DHRS7B: variants seen among roughly 807,000 people sequenced by gnomAD.
DHRS7B encodes dehydrogenase/reductase 7B, also known as peroxisomal reductase activating PPAR-gamma.
DHRS7B carries 24 observed loss-of-function variants against 26.4 expected under a neutral mutation model. That is an observed-to-expected ratio of 0.91 (90% CI 0.66 to 1.28). The LOEUF is 1.28. Ranked by LOEUF, DHRS7B falls within the 50% of genes most tolerant of loss-of-function variation. The pLI is 0.00. For missense variants in DHRS7B, 368 were observed against 419.4 expected, an observed-to-expected ratio of 0.88 and a Z score of 1.07; for synonymous variants, 142 against 166.4, an observed-to-expected ratio of 0.85 and a Z score of 1.13.
chr17:21,143,242 T>C (rs1973566260), intron 1 of DHRS7B, among the ~76,000 whole-genome samples: 1 of 152,172 alleles, frequency 6.6e-6, no homozygotes, highest in Non-Finnish European at 1.5e-5. Context: ...TTTGTATTTT[T>C]AGTAGAGATG....
rs370778794 is a variant in DHRS7B, at chr17:21,127,124, CG to C, written c.20+135del. 220 of 929,954 alleles carry C rather than the reference CG, an allele frequency of 2.4e-4. 1 individual carries two copies. The African/African-American group carries it at 2.9e-3, about 12-fold the overall frequency. The allele number at this position is 929,954 out of a possible 1,614,324, so 57.6% of individuals were successfully genotyped here. A position where few individuals can be genotyped will look rare whatever the true frequency, so the allele number is the denominator to read the frequency against. ...AAGGCCGCGGGCCCTGGGCGGCTTC[CG>C]GATCCCCGCGACGCCGAACTCTGAA... On this transcript the variant is annotated intron_variant, in intron 1 of 6. Transcript: ENST00000395511.
At chr17:21,168,890 A>T in intron 1 of DHRS7B, 1 of 985,420 alleles carries the variant, frequency 1.0e-6, no homozygotes, top group Non-Finnish European at 1.2e-6. Flanking sequence ...AGTGTACAAG[A>T]CGGTGTGTAG....
At chr17:21,169,010 G>C in intron 1 of DHRS7B, 1 of 769,152 alleles carries the variant, frequency 1.3e-6, no homozygotes, top group Non-Finnish European at 1.6e-6. Context: ...GAGCCTTGCT[G>C]GGCTGGTTTA....
chr17:21,136,285 A>C (rs939520425), intron 1 of DHRS7B, among the ~76,000 whole-genome samples: 1 of 146,360 alleles, frequency 6.8e-6, no homozygotes, highest in Non-Finnish European at 1.5e-5. Context: ...CTGGGCAACA[A>C]GAGCAAAACT....
At chr17:21,138,095 T>C (rs375437866) in intron 1 of DHRS7B, among the ~76,000 whole-genome samples, 37,176 of 80,000 alleles carry the variant, frequency 0.46, 7,534 homozygotes, top group Non-Finnish European at 0.53. Flanking sequence ...TATATATATA[T>C]ATATATACAC....
chr17:21,132,791 GGCT>G (rs1459051947), intron 1 of DHRS7B, among the ~76,000 whole-genome samples: 4 of 152,152 alleles, frequency 2.6e-5, no homozygotes, highest in African/African-American at 9.7e-5. Flanking sequence ...GGCAGCTTTA[GGCT>G]AAACTTCTTA....
At chr17:21,184,995 A>G (rs1974600212) in intron 5 of DHRS7B, among the ~76,000 whole-genome samples, 1 of 152,190 alleles carries the variant, frequency 6.6e-6, no homozygotes, top group Non-Finnish European at 1.5e-5. Context: ...CATCCTTTCA[A>G]TACAGTAATC....
intron 6 of DHRS7B, among the ~76,000 whole-genome samples, chr17:21,190,372 A>G (rs1034256642): frequency 6.6e-6 from 1 of 152,138 alleles, no homozygotes; most frequent in African/African-American, 2.4e-5. Flanking sequence ...CCTGTTTCTC[A>G]TCCAATTAAT....
At chr17:21,138,214 T>C (rs866769434) in intron 1 of DHRS7B, among the ~76,000 whole-genome samples, 20 of 108,372 alleles carry the variant, frequency 1.8e-4, no homozygotes, top group African/African-American at 8.0e-4. Context: ...CCTCCTTCTT[T>C]TTTTTTTTTT....
chr17:21,150,126 A>AAAAC (rs1567619814), intron 1 of DHRS7B, among the ~76,000 whole-genome samples: 14 of 143,750 alleles, frequency 9.7e-5, no homozygotes, highest in African/African-American at 3.5e-4. Flanking sequence ...AAAAAAAAAA[A>AAAAC]AAAAAACTAA....
intron 1 of DHRS7B, among the ~76,000 whole-genome samples, chr17:21,143,533 A>G (rs906581407): frequency 1.3e-5 from 2 of 152,236 alleles, no homozygotes; most frequent in Non-Finnish European, 2.9e-5. Context: ...AACATTTTCA[A>G]AGGAATGAAG....
rs138235453 is a variant in DHRS7B, at chr17:21,172,029, C to T, written c.32C>T (p.Pro11Leu). Reference protein sequence around the residue: MVSPATRKSLPKVKAMDFITS... With the variant: MVSPATRKSLLKVKAMDFITS... ...TTTGGTTCTTCCAGGAAGAGTCTGC[C>T]GAAGGTGAAGGCCATGGACTTCATC... is the stretch of plus-strand genomic sequence containing the variant. The change falls in exon 2 of 7, where the codon CCG becomes CTG. Residue 11 changes from proline to leucine, a missense_variant. Pro to Leu is a moderately conservative substitution (Grantham distance 98). Coordinates refer to ENST00000395511, the MANE Select transcript of DHRS7B (RefSeq NM_015510.5). 53 of 1,614,014 alleles carry T rather than the reference C, an allele frequency of 3.3e-5. No individual in the cohort carries two copies. The Middle Eastern group carries it at 4.9e-4, about 15-fold the overall frequency.
At chr17:21,158,957 CAAA>C (rs201773440) in intron 1 of DHRS7B, among the ~76,000 whole-genome samples, 5 of 108,568 alleles carry the variant, frequency 4.6e-5, no homozygotes, top group Non-Finnish European at 1.0e-4. Flanking sequence ...TATCTGCATG[CAAA>C]AAAAAAAAAA....
chr17:21,133,595 G>A (rs773658303), intron 1 of DHRS7B, among the ~76,000 whole-genome samples: 13 of 152,234 alleles, frequency 8.5e-5, no homozygotes, highest in Non-Finnish European at 1.9e-4. Flanking sequence ...CAGCTAGAAG[G>A]AGCCCAAGAT....
At chr17:21,158,663 G>A (rs1357807268) in intron 1 of DHRS7B, among the ~76,000 whole-genome samples, 1 of 152,082 alleles carries the variant, frequency 6.6e-6, no homozygotes, top group East Asian at 1.9e-4. Flanking sequence ...CCAAATCCCA[G>A]CAAGTCATTT....
rs548566365 is a variant in DHRS7B, at chr17:21,135,274, A to G, written c.20+8283A>G. Among the ~76,000 whole-genome samples the G allele has an allele frequency of 5.3e-5, 8 of 152,320 alleles. No individual in the cohort carries two copies. In the South Asian group the frequency reaches 1.7e-3, roughly 32 times the overall value. ...ACAAATACAGCCCAAAGGAAACCAA[A>G]CACCATTTCATATTTGACAATGCCT... On this transcript the variant is annotated intron_variant, in intron 1 of 6. Transcript: ENST00000395511.
At chr17:21,189,699 G>A (rs1183850687) in intron 6 of DHRS7B, among the ~76,000 whole-genome samples, 1 of 152,202 alleles carries the variant, frequency 6.6e-6, no homozygotes, top group African/African-American at 2.4e-5. Flanking sequence ...TCTATACAGA[G>A]GCATGGGGCT....
In DHRS7B at chr17:21,183,803, A is replaced by T. The variant is rs377105376; in HGVS notation, c.519A>T (p.Leu173=). The part of the protein sequence containing the change: ...METNYFGPVA[L]TKALLPSMIK... ...CAAACTACTTTGGCCCAGTTGCTCTAACGAAAGGTAACAGTCTTGAGAAAA... is the reference window on the plus strand; with the variant it reads ...CAAACTACTTTGGCCCAGTTGCTCTTACGAAAGGTAACAGTCTTGAGAAAA... Residue 173 remains leucine (L), a synonymous_variant, in exon 4 of 7, where the codon CTA becomes CTT. Coordinates refer to ENST00000395511, the MANE Select transcript of DHRS7B (RefSeq NM_015510.5). The T allele has an allele frequency of 6.8e-6, 11 of 1,613,844 alleles. No homozygotes were observed. The African/African-American group carries it at 1.5e-4, about 22-fold the overall frequency.
At chr17:21,138,101 T>TACAC (rs370861401) in intron 1 of DHRS7B, among the ~76,000 whole-genome samples, 143 of 86,106 alleles carry the variant, frequency 1.7e-3, no homozygotes, top group East Asian at 9.8e-3. Context: ...TATATATATA[T>TACAC]ACACACACAC....
Sources: allele counts gnomAD v4.1 joint callset (sites outside exome capture counted in the v4.1 genomes callset), GRCh38; gene constraint gnomAD v4.1.1; transcripts MANE v1.5; gene names NCBI Gene and HGNC (gene_info 2026-07-23, HGNC 2026-07-21).